DYNC1I2: variants seen among roughly 807,000 people sequenced by gnomAD.
DYNC1I2 encodes the protein cytoplasmic dynein 1 intermediate chain 2.
DYNC1I2 carries 53 observed loss-of-function variants against 88.6 expected under a neutral mutation model. The observed-to-expected ratio is 0.60, with a 90% CI of 0.48 to 0.75. DYNC1I2 has a LOEUF of 0.75. DYNC1I2 is among the 30% of genes least tolerant of loss of function. DYNC1I2 has a pLI of 0.00. For synonymous variants in DYNC1I2, 198 were observed against 254.6 expected (o/e 0.78, Z 2.12); for missense variants, 458 against 766.6 (o/e 0.60, Z 4.75).
chr2:171,728,062 C>CT, intron 12 of DYNC1I2, 95 bp downstream of exon 12: 1 of 1,389,872 alleles, frequency 7.2e-7, no homozygotes, highest in Non-Finnish European at 9.6e-7. Context: ...TCAGAATGTG[C>CT]TTCCTTTGGT....
intron 3 of DYNC1I2, among the ~76,000 whole-genome samples, chr2:171,697,312 A>G (rs1405612905): frequency 2.0e-5 from 3 of 151,848 alleles, no homozygotes; most frequent in Non-Finnish European, 4.4e-5. Context: ...ATGAGCCACT[A>G]CACCCTTCCT....
chr2:171,715,567 G>A, intron 7 of DYNC1I2, 124 bp downstream of exon 7: 2 of 624,126 alleles, frequency 3.2e-6, no homozygotes, highest in Non-Finnish European at 5.4e-6. Context: ...TGTTTTCTTA[G>A]GGAAACATGA....
intron 15 of DYNC1I2, among the ~76,000 whole-genome samples, chr2:171,738,827 C>G (rs1018556968): frequency 6.6e-6 from 1 of 152,156 alleles, no homozygotes; most frequent in African/African-American, 2.4e-5. Flanking sequence ...AAAAGCTCTG[C>G]AGATGATTGT....
chr2:171,708,092 C>A (rs949295793), intron 5 of DYNC1I2, among the ~76,000 whole-genome samples: 7 of 151,698 alleles, frequency 4.6e-5, no homozygotes, highest in African/African-American at 1.7e-4. Context: ...CACACACACA[C>A]AAAATAGTGA....
At chr2:171,726,993 T>G in intron 11 of DYNC1I2, 77 bp downstream of exon 11, 1 of 1,404,412 alleles carries the variant, frequency 7.1e-7, no homozygotes, top group South Asian at 1.6e-5. Context: ...CTTTTTTCTT[T>G]TCTTGTCAAC....
chr2:171,707,059 A>C, intron 4 of DYNC1I2: 1 of 629,446 alleles, frequency 1.6e-6, no homozygotes, highest in Non-Finnish European at 2.7e-6. Context: ...ATAAAGCTCA[A>C]ATGCATTTTG....
At chr2:171,707,058 A>C (rs1574538140) in intron 4 of DYNC1I2, 2 of 627,700 alleles carry the variant, frequency 3.2e-6, no homozygotes, top group East Asian at 5.7e-5. Context: ...TATAAAGCTC[A>C]AATGCATTTT....
At chr2:171,740,810 C>CGGT (rs1405310381) in intron 15 of DYNC1I2, among the ~76,000 whole-genome samples, 1 of 152,052 alleles carries the variant, frequency 6.6e-6, no homozygotes, top group East Asian at 1.9e-4. Flanking sequence ...GAGCAAAACC[C>CGGT]TTATACCATG....
intron 15 of DYNC1I2, among the ~76,000 whole-genome samples, chr2:171,740,136 A>G (rs1233812333): frequency 4.6e-5 from 7 of 152,086 alleles, no homozygotes; most frequent in African/African-American, 1.7e-4. Context: ...AGGGTTTCTC[A>G]GTCTCGATTT....
In DYNC1I2 at chr2:171,726,844, G is replaced by A. The variant is rs748326341; in HGVS notation, c.924G>A (p.Glu308=). 14 of 1,613,164 alleles carry A rather than the reference G, an allele frequency of 8.7e-6. No individual in the cohort carries two copies. Among genetic ancestry groups the A allele is most frequent in the Non-Finnish European group, 1.1e-5 (13 of 1,179,388 alleles). Residue 308 remains glutamate, a synonymous_variant, in exon 11 of 18, where the codon GAG becomes GAA. Transcript: ENST00000397119. ...SYNNNEDAPH[E]PDGVALVWNM... ...ACAACAATGAAGATGCCCCTCATGA[G>A]CCTGATGGTGTGGCCCTTGTATGGA...
chr2:171,733,926 T>A (rs187043551), intron 15 of DYNC1I2, among the ~76,000 whole-genome samples: 15 of 152,260 alleles, frequency 9.9e-5, no homozygotes, highest in Admixed American at 7.2e-4. Flanking sequence ...TTTTGTAGTT[T>A]GGGGTTTTAC....
intron 3 of DYNC1I2, among the ~76,000 whole-genome samples, chr2:171,705,368 C>T (rs1184099049): frequency 6.6e-6 from 1 of 152,018 alleles, no homozygotes; most frequent in African/African-American, 2.4e-5. Context: ...AAAAAGAATT[C>T]TGTAGTTCAT....
intron 3 of DYNC1I2, among the ~76,000 whole-genome samples, chr2:171,696,753 T>G (rs1435553240): frequency 1.3e-5 from 2 of 152,152 alleles, no homozygotes; most frequent in Non-Finnish European, 2.9e-5. Context: ...TTATGGGCAT[T>G]TCTGGGCTCT....
In DYNC1I2 at chr2:171,725,944, A is replaced by G; in HGVS notation, c.633A>G (p.Glu211=). ...CTCCCCCTCATGAGCTGACTGAAGA[A>G]GAAAAGCAACAAATCTTGCACTCTG... The part of the protein sequence containing the change: ...SKAPPHELTE[E]EKQQILHSEE... Residue 211 remains glutamate, a synonymous_variant, in exon 9 of 18, where the codon GAA becomes GAG. Transcript: ENST00000397119. The G allele has an allele frequency of 6.3e-7, 1 of 1,577,756 alleles. No individual in the cohort carries two copies. The highest frequency in any genetic ancestry group is 8.5e-7 in the Non-Finnish European group (1 of 1,170,180).
At position 171,710,464 on chromosome 2, in the gene DYNC1I2, CAG is replaced by C. The variant is rs530635584; in HGVS notation, c.336-2302_336-2301del. Among the ~76,000 whole-genome samples the C allele has an allele frequency of 1.4e-3, 213 of 152,258 alleles. 1 individual carries two copies. The highest frequency in any genetic ancestry group is 4.8e-3 in the African/African-American group (201 of 41,536). On this transcript the variant is annotated intron_variant, in intron 5 of 17. Transcript: ENST00000397119. ...TAAGATGGTCTAAGATTAATACACT[CAG>C]GGAGTAGGAATAGATAAGACATTAT...
In DYNC1I2 at chr2:171,748,037, G is replaced by A; in HGVS notation, c.*148G>A. 3 of 520,644 alleles carry A rather than the reference G, an allele frequency of 5.8e-6. No homozygotes were observed. Among genetic ancestry groups the A allele is most frequent in the Non-Finnish European group, 1.0e-5 (3 of 288,816 alleles). 32.3% of individuals were successfully genotyped at this position (520,644 alleles called of 1,614,324 possible). A position where few individuals can be genotyped will look rare whatever the true frequency, so the allele number is the denominator to read the frequency against. On this transcript the variant is annotated 3_prime_UTR_variant, in exon 18 of 18. Transcript: ENST00000397119. The stretch of plus-strand genomic sequence containing the variant: ...TTAATGCAGCAAGGAAACTTACAAT[G>A]TCCCTTTATATATAACATGCATCTT...
Position 171,706,536 on chromosome 2 carries a change from G to T in DYNC1I2, c.227-11G>T. ...ATTTTGGGTGTCTGTATCTTTGTCT[G>T]TACACTTCAGTTTTTTCTGAATACT... is the stretch of plus-strand genomic sequence containing the variant. On this transcript the variant is annotated splice_polypyrimidine_tract_variant and intron_variant, in intron 3 of 17. Transcript: ENST00000397119. 1 of 1,610,708 alleles carries T rather than the reference G, an allele frequency of 6.2e-7. No homozygotes were observed. The highest frequency in any genetic ancestry group is 8.5e-7 in the Non-Finnish European group (1 of 1,177,624).
At chr2:171,745,089 TAGA>T (rs1689692656) in intron 16 of DYNC1I2, among the ~76,000 whole-genome samples, 3 of 152,240 alleles carry the variant, frequency 2.0e-5, no homozygotes. Context: ...TAGTACAAAT[TAGA>T]AGGATTTTTT....
intron 3 of DYNC1I2, among the ~76,000 whole-genome samples, chr2:171,694,337 T>C (rs1373125195): frequency 6.6e-6 from 1 of 152,162 alleles, no homozygotes; most frequent in Non-Finnish European, 1.5e-5. Flanking sequence ...TTTGTGTTGC[T>C]ATAAAGAAAT....
Sources: allele counts gnomAD v4.1 joint callset (sites outside exome capture counted in the v4.1 genomes callset), GRCh38; gene constraint gnomAD v4.1.1; transcripts MANE v1.5; gene names NCBI Gene and HGNC (gene_info 2026-07-23, HGNC 2026-07-21).